BCL7A: variants seen among roughly 807,000 people sequenced by gnomAD.
The protein encoded by BCL7A is B-cell CLL/lymphoma 7 protein family member A.
Under a neutral mutation model 28.4 loss-of-function variants are expected in BCL7A, and 11 were observed. The observed-to-expected ratio is 0.39, with a 90% CI of 0.24 to 0.64. The LOEUF is 0.64. BCL7A is among the 30% of genes least tolerant of loss of function. The pLI, the probability that BCL7A is intolerant of heterozygous loss-of-function variation, is 0.50. For missense variants in BCL7A, 222 were observed against 274.8 expected (o/e 0.81, Z 1.36); for synonymous variants, 123 against 103.3 (o/e 1.19, Z -1.15).
At chr12:122,053,005 T>C (rs553661877) in intron 4 of BCL7A, among the ~76,000 whole-genome samples, 2 of 150,686 alleles carry the variant, frequency 1.3e-5, no homozygotes, top group East Asian at 2.0e-4. Flanking sequence ...TTGTTGTTGT[T>C]GTCGTTTTTT....
intron 4 of BCL7A, chr12:122,044,302 A>C (rs1463113612): frequency 2.4e-6 from 1 of 425,160 alleles, no homozygotes; most frequent in Non-Finnish European, 4.2e-6. Flanking sequence ...TGAGCCTAGG[A>C]GTTCAAGACC....
At chr12:122,033,099 A>G (rs1038810302) in intron 2 of BCL7A, among the ~76,000 whole-genome samples, 2 of 151,774 alleles carry the variant, frequency 1.3e-5, no homozygotes, top group African/African-American at 2.4e-5. Context: ...CAAATTCAAA[A>G]CAATTTTTTG....
At chr12:122,057,079 C>A (rs1951884106) in intron 5 of BCL7A, among the ~76,000 whole-genome samples, 1 of 152,182 alleles carries the variant, frequency 6.6e-6, no homozygotes, top group African/African-American at 2.4e-5. Flanking sequence ...CCACTAAGTG[C>A]CGTGAGAGAG....
chr12:122,026,100 T>C (rs964230464), intron 1 of BCL7A, among the ~76,000 whole-genome samples: 21 of 151,374 alleles, frequency 1.4e-4, no homozygotes, highest in African/African-American at 5.1e-4. Context: ...ACCCCATCTC[T>C]ACTAAAAATA....
chr12:122,046,664 A>G (rs1884082572), intron 4 of BCL7A, among the ~76,000 whole-genome samples: 1 of 152,180 alleles, frequency 6.6e-6, no homozygotes, highest in African/African-American at 2.4e-5. Flanking sequence ...TTAAATTTGA[A>G]TGTGATGTCA....
chr12:122,056,348 C>T (rs1437149975), intron 5 of BCL7A, among the ~76,000 whole-genome samples: 1 of 151,990 alleles, frequency 6.6e-6, no homozygotes, highest in East Asian at 1.9e-4. Flanking sequence ...CACATCGCCC[C>T]CACTACCCCA....
intron 2 of BCL7A, among the ~76,000 whole-genome samples, chr12:122,031,979 C>G (rs1212368750): frequency 1.3e-5 from 2 of 152,200 alleles, no homozygotes; most frequent in Non-Finnish European, 2.9e-5. Flanking sequence ...TCCGTATTTA[C>G]TCAAACTCAG....
chr12:122,055,032 C>T (rs780723127), intron 5 of BCL7A, 106 bp downstream of exon 5: 3 of 1,595,728 alleles, frequency 1.9e-6, no homozygotes, highest in Non-Finnish European at 2.6e-6. Context: ...GTTGTTTTGT[C>T]GTTGGACCAT....
intron 1 of BCL7A, among the ~76,000 whole-genome samples, chr12:122,024,856 C>G (rs1195313384): frequency 6.6e-6 from 1 of 152,010 alleles, no homozygotes; most frequent in Admixed American, 6.6e-5. Context: ...AGAGGGAAGC[C>G]GAAGTGTTTG....
At chr12:122,032,954 G>A (rs1311565530) in intron 2 of BCL7A, among the ~76,000 whole-genome samples, 2 of 152,178 alleles carry the variant, frequency 1.3e-5, no homozygotes, top group Admixed American at 6.5e-5. Context: ...GCAGGTTGAG[G>A]CTGGGAATCT....
chr12:122,058,242 C>T (rs1455107257), intron 5 of BCL7A, among the ~76,000 whole-genome samples: 1 of 152,108 alleles, frequency 6.6e-6, no homozygotes, highest in African/African-American at 2.4e-5. Flanking sequence ...CGGTGGCTCA[C>T]GCCTGTAATC....
chr12:122,035,136 C>T (rs1016820017), intron 2 of BCL7A, among the ~76,000 whole-genome samples, 195 bp from the exon 3 acceptor site: 1 of 152,160 alleles, frequency 6.6e-6, no homozygotes, highest in African/African-American at 2.4e-5. Context: ...TCTCTGATTC[C>T]ACAGTGGGCG....
chr12:122,054,747 A>G (rs1884273319), intron 4 of BCL7A, 58 bp from the exon 5 acceptor site: 2 of 1,557,778 alleles, frequency 1.3e-6, no homozygotes, highest in Non-Finnish European at 1.7e-6. Context: ...ATTTGGCCCC[A>G]CCGGCCCCGC....
At chr12:122,056,153 C>T (rs182314887) in intron 5 of BCL7A, among the ~76,000 whole-genome samples, 1 of 152,288 alleles carries the variant, frequency 6.6e-6, no homozygotes, top group Admixed American at 6.5e-5. Flanking sequence ...GTAGCATGAG[C>T]CCATCTGGTT....
At chr12:122,044,156 A>G (rs1238031480) in intron 4 of BCL7A, 103 bp downstream of exon 4, 23 of 1,353,992 alleles carry the variant, frequency 1.7e-5, no homozygotes, top group Non-Finnish European at 2.1e-5. Context: ...TGCCAGCCCC[A>G]GCAAGGAGAC....
intron 4 of BCL7A, among the ~76,000 whole-genome samples, chr12:122,049,312 T>C (rs1193763167): frequency 6.6e-6 from 1 of 150,982 alleles, no homozygotes; most frequent in African/African-American, 2.4e-5. Flanking sequence ...ATAGGGAGTG[T>C]TGGGAAAGAA....
At chr12:122,023,505 A>G (rs1883525659) in intron 1 of BCL7A, among the ~76,000 whole-genome samples, 1 of 152,288 alleles carries the variant, frequency 6.6e-6, no homozygotes, top group East Asian at 1.9e-4. Flanking sequence ...CCCAACAAAA[A>G]AGGCAAGAGG....
intron 4 of BCL7A, among the ~76,000 whole-genome samples, chr12:122,051,712 T>G (rs531367336): frequency 6.6e-6 from 1 of 152,152 alleles, no homozygotes; most frequent in African/African-American, 2.4e-5. Context: ...CCCCCACCAC[T>G]CTGCAGAGCC....
At chr12:122,045,276 G>T (rs1229576428) in intron 4 of BCL7A, among the ~76,000 whole-genome samples, 1 of 152,170 alleles carries the variant, frequency 6.6e-6, no homozygotes. Context: ...AGCTAGTCAG[G>T]AGGCTGAGGC....
Sources: allele counts gnomAD v4.1 joint callset (sites outside exome capture counted in the v4.1 genomes callset), GRCh38; gene constraint gnomAD v4.1.1; transcripts MANE v1.5; gene names NCBI Gene and HGNC (gene_info 2026-07-23, HGNC 2026-07-21).